PTH1R: variants seen among roughly 807,000 people sequenced by gnomAD.
PTH1R encodes parathyroid hormone/parathyroid hormone-related peptide receptor.
In PTH1R, 32 loss-of-function variants were observed where a neutral mutation model predicts 70.7. The ratio of observed to expected loss-of-function variants is 0.45; its 90% CI spans 0.34 to 0.61. The LOEUF (loss-of-function observed/expected upper bound fraction) is 0.61, where lower values mean the gene tolerates loss of function less well. Among genes scored for constraint, PTH1R ranks in the 20% least tolerant of loss-of-function variants. The pLI, the probability that PTH1R is intolerant of heterozygous loss-of-function variation, is 0.01. For synonymous variants in PTH1R, 329 were observed against 324.8 expected (o/e 1.01, Z -0.14); for missense variants, 626 against 792.5 (o/e 0.79, Z 2.52).
At position 46,903,172 on chromosome 3, in the gene PTH1R, A is replaced by AT. The variant is rs1191239440; in HGVS notation, c.1396-96dup. The AT allele has an allele frequency of 1.1e-4, 167 of 1,559,512 alleles. No individual in the cohort carries two copies. The highest frequency in any genetic ancestry group is 1.4e-4 in the Non-Finnish European group (159 of 1,153,428). Reference sequence around the variant, plus strand: ...CCTTGGAGTTTCCCAGGAGTCCCCTATTCCCATTTTCATTCCGTGCTGGGT... The same window carrying AT: ...CCTTGGAGTTTCCCAGGAGTCCCCTATTTCCCATTTTCATTCCGTGCTGGGT... On this transcript the variant is annotated intron_variant, in intron 15 of 15. Coordinates refer to ENST00000449590, the MANE Select transcript of PTH1R (RefSeq NM_000316.3). The surrounding 1 kb of genome is among the most constrained non-coding windows in gnomAD (Gnocchi z 4.4).
rs375799121 is a variant in PTH1R at position 46,884,640 on chromosome 3, G to C, written c.75+1006G>C. On this transcript the variant is annotated intron_variant, in intron 3 of 15. Coordinates refer to ENST00000449590, the MANE Select transcript of PTH1R (RefSeq NM_000316.3). This position sits in a 1 kb window ranked among gnomAD's most constrained non-coding sequence, Gnocchi z 4.8. ...AGCCTCTTCTCCCTGCTCCCCAGTG[G>C]GGGTATCTGCCTGCTAGAGAGCAGG... 2.0e-5 allele frequency among the ~76,000 whole-genome samples: 3 copies of C among 152,130 alleles called. No homozygotes were observed. Among genetic ancestry groups the C allele is most frequent in the East Asian group, 3.9e-4 (2 of 5,176 alleles).
At position 46,903,400 on chromosome 3, in the gene PTH1R, G is replaced by A; in HGVS notation, c.1526G>A (p.Gly509Asp). ...TCCCACACAAGTGTGACCAATGTCG[G>A]CCCCCGTGTGGGACTCGGCCTGCCC... The part of the protein sequence containing the change: ...MVSHTSVTNV[G>D]PRVGLGLPLS... Residue 509 changes from glycine (G) to aspartate (D), a missense_variant, in exon 16 of 16, where the codon GGC becomes GAC. Physicochemically the swap from Gly to Asp is moderately conservative, Grantham distance 94. Around this residue, in one of 3 missense-constraint regions of PTH1R, gnomAD observed 495 missense variants for 638.7 expected, o/e 0.77. Coordinates refer to ENST00000449590, the MANE Select transcript of PTH1R (RefSeq NM_000316.3). The surrounding 1 kb of genome is among the most constrained non-coding windows in gnomAD (Gnocchi z 4.4). The A allele has an allele frequency of 6.2e-7, 1 of 1,613,414 alleles. No homozygotes were observed. The highest frequency in any genetic ancestry group is 8.5e-7 in the Non-Finnish European group (1 of 1,179,816).
At chr3:46,878,164 A>G (rs913075116) in intron 1 of PTH1R, among the ~76,000 whole-genome samples, 1 of 152,176 alleles carries the variant, frequency 6.6e-6, no homozygotes, top group African/African-American at 2.4e-5. Context: ...CCAGGCAGCC[A>G]TGCTTCTGCT....
At position 46,896,550 on chromosome 3, in the gene PTH1R, C is replaced by T. The variant is rs2031769880; in HGVS notation, c.313+681C>T. On this transcript the variant is annotated intron_variant, in intron 5 of 15. Transcript: ENST00000449590. The surrounding 1 kb of genome is among the most constrained non-coding windows in gnomAD (Gnocchi z 4.1). ...TGGGCCACATCTGGGAGGCTGTGGT[C>T]ACCCTGTGGCTCCCTGGGGACCAGA... is the stretch of plus-strand genomic sequence containing the variant. Among the ~76,000 whole-genome samples the T allele has an allele frequency of 6.6e-6, 1 of 152,166 alleles. No individual in the cohort carries two copies. The highest frequency in any genetic ancestry group is 6.5e-5 in the Admixed American group (1 of 15,280).
chr3:46,898,640 G>A, intron 8 of PTH1R, 22 bp from the exon 9 acceptor site: 3 of 1,610,670 alleles, frequency 1.9e-6, no homozygotes, highest in Middle Eastern at 1.6e-4. Flanking sequence ...CCCCACCCAC[G>A]GTCATGTCGC....
chr3:46,898,949 C>T (rs937139111), intron 9 of PTH1R, 92 bp downstream of exon 9: 4 of 938,580 alleles, frequency 4.3e-6, no homozygotes, highest in Non-Finnish European at 6.0e-6. Flanking sequence ...TCGCCCTGCC[C>T]GCCTCCTGCC....
chr3:46,884,368 G>C lies in PTH1R; in HGVS notation c.75+734G>C, dbSNP rs1366290298. On this transcript the variant is annotated intron_variant, in intron 3 of 15. Transcript: ENST00000449590. This position sits in a 1 kb window ranked among gnomAD's most constrained non-coding sequence, Gnocchi z 4.8. ...AGGAGAGACAGAGACAAAGCCGGGT[G>C]GGGAGGAGAGATCCCCCCAGCTGGA... Among the ~76,000 whole-genome samples the C allele has an allele frequency of 6.6e-6, 1 of 152,152 alleles. No homozygotes were observed. The highest frequency in any genetic ancestry group is 1.5e-5 in the Non-Finnish European group (1 of 68,020).
rs1321788985 is a variant in PTH1R at position 46,895,765 on chromosome 3, C to A, written c.209C>A (p.Thr70Lys). Residue 70 changes from threonine to lysine, a missense_variant, in exon 5 of 16, where the codon ACA becomes AAA. Physicochemically the swap from Thr to Lys is moderately conservative, Grantham distance 78. This residue lies in a region of PTH1R where 123 missense variants were observed against 125.7 expected (regional missense o/e 0.98). Coordinates refer to ENST00000449590, the MANE Select transcript of PTH1R (RefSeq NM_000316.3). ...ATAATGGAATCAGACAAGGGATGGA[C>A]ATCTGCGTCCACATCAGGGAAGCCC... The part of the protein sequence containing the change: ...ASIMESDKGW[T>K]SASTSGKPRK... 3 of 1,614,066 alleles carry A rather than the reference C, an allele frequency of 1.9e-6. No individual in the cohort carries two copies. The Admixed American group carries it at 5.0e-5, about 27-fold the overall frequency.
chr3:46,903,051 C>G lies in PTH1R; in HGVS notation c.1396-219C>G. ...ATTATCTGTGACCCAGATTGGAGGA[C>G]TCAGCCACCTTTGGGGCAATTTGAG... On this transcript the variant is annotated intron_variant, in intron 15 of 15. Transcript: ENST00000449590. The surrounding 1 kb of genome is among the most constrained non-coding windows in gnomAD (Gnocchi z 4.4). 5.8e-6 allele frequency: 6 copies of G among 1,041,824 alleles called. No homozygotes were observed. The highest frequency in any genetic ancestry group is 8.6e-6 in the Non-Finnish European group (6 of 697,182). 64.5% of individuals were successfully genotyped at this position (1,041,824 alleles called of 1,614,324 possible).
At chr3:46,887,613 A>G (rs1412221082) in intron 3 of PTH1R, among the ~76,000 whole-genome samples, 1 of 152,188 alleles carries the variant, frequency 6.6e-6, no homozygotes, top group African/African-American at 2.4e-5. Flanking sequence ...TGTGTTTCCA[A>G]ATGGTACCTC....
intron 5 of PTH1R, among the ~76,000 whole-genome samples, chr3:46,897,342 A>G (rs1396455405): frequency 1.3e-5 from 2 of 152,212 alleles, no homozygotes; most frequent in Admixed American, 6.5e-5. Flanking sequence ...AGTAAATTCT[A>G]TGAGGTGGGT....
rs1193110436 is a variant in PTH1R at position 46,883,142 on chromosome 3, GAAAA to G, written c.-48-364_-48-361del. 2.2e-5 allele frequency among the ~76,000 whole-genome samples: 2 copies of G among 89,704 alleles called. No homozygotes were observed. The highest frequency in any genetic ancestry group is 5.1e-4 in the South Asian group (1 of 1,950). 58.8% of individuals were successfully genotyped at this position (89,704 alleles called of 152,430 possible). A position where few individuals can be genotyped will look rare whatever the true frequency, so the allele number is the denominator to read the frequency against. On this transcript the variant is annotated intron_variant, in intron 2 of 15. Transcript: ENST00000449590. The surrounding 1 kb of genome is among the most constrained non-coding windows in gnomAD (Gnocchi z 6.4). ...AGCCACAGCTCCCATTTCCCCAAAA[GAAAA>G]AAAAAGAAAGAAAGAAAGAAAGAAA...
intron 4 of PTH1R, 101 bp from the exon 5 acceptor site, chr3:46,895,634 A>AC (rs917584495): frequency 4.9e-5 from 77 of 1,579,078 alleles, no homozygotes; most frequent in Admixed American, 1.7e-4. Context: ...GCAGGAGACA[A>AC]CCCCCCCATT....
At position 46,892,906 on chromosome 3, in the gene PTH1R, G is replaced by A; in HGVS notation, c.76-1001G>A. 1.4e-6 allele frequency: 1 copy of A among 696,592 alleles called. No homozygotes were observed. Among genetic ancestry groups the A allele is most frequent in the South Asian group, 6.4e-5 (1 of 15,686 alleles). 43.2% of individuals were successfully genotyped at this position (696,592 alleles called of 1,614,324 possible). ...TGAATTAAGAGGGATGGGGCTGAGG[G>A]CTTCACAGCCCCGCCCTGGGGAGGT... On this transcript the variant is annotated intron_variant, in intron 3 of 15. Coordinates refer to ENST00000449590, the MANE Select transcript of PTH1R (RefSeq NM_000316.3). The surrounding 1 kb of genome is among the most constrained non-coding windows in gnomAD (Gnocchi z 5.2).
chr3:46,894,798 G>A (rs896209271), intron 4 of PTH1R, among the ~76,000 whole-genome samples: 1 of 152,024 alleles, frequency 6.6e-6, no homozygotes, highest in Non-Finnish European at 1.5e-5. Flanking sequence ...GCCTAGCTTG[G>A]GCGGTGGCTG....
chr3:46,898,184 C>G lies in PTH1R; in HGVS notation c.535C>G (p.Arg179Gly), dbSNP rs1279162000. The change falls in exon 7 of 16, where the codon CGT becomes GGT. Residue 179 changes from arginine (R) to glycine (G), a missense_variant. Around this residue, in one of 3 missense-constraint regions of PTH1R, gnomAD observed 495 missense variants for 638.7 expected, o/e 0.77. Coordinates refer to ENST00000449590, the MANE Select transcript of PTH1R (RefSeq NM_000316.3). ...ECVKFLTNET[R>G]EREVFDRLGM... ...TGTCAAATTTCTCACCAATGAGACT[C>G]GTGAACGGGTGCGAGCCTTTCTCCT... is the stretch of plus-strand genomic sequence containing the variant. 5.6e-6 allele frequency: 9 copies of G among 1,614,108 alleles called. No individual in the cohort carries two copies. Among genetic ancestry groups the G allele is most frequent in the Non-Finnish European group, 7.6e-6 (9 of 1,179,962 alleles).
At chr3:46,887,731 C>T (rs769995258) in intron 3 of PTH1R, among the ~76,000 whole-genome samples, 1 of 152,104 alleles carries the variant, frequency 6.6e-6, no homozygotes, top group Non-Finnish European at 1.5e-5. Context: ...CATATTTTGA[C>T]GTAAATGTGT....
chr3:46,887,748 GA>G (rs1317400121), intron 3 of PTH1R, among the ~76,000 whole-genome samples: 8 of 152,162 alleles, frequency 5.3e-5, no homozygotes, highest in Admixed American at 3.9e-4. Flanking sequence ...GTGTGTCTTA[GA>G]GATCTTCATT....
Position 46,893,736 on chromosome 3 carries a change from G to GT in PTH1R, c.76-170dup, listed in dbSNP as rs1183781339. Among the ~76,000 whole-genome samples the GT allele has an allele frequency of 6.6e-6, 1 of 152,216 alleles. No homozygotes were observed. The highest frequency in any genetic ancestry group is 1.5e-5 in the Non-Finnish European group (1 of 68,038). On this transcript the variant is annotated intron_variant, in intron 3 of 15. Transcript: ENST00000449590. The surrounding 1 kb of genome is among the most constrained non-coding windows in gnomAD (Gnocchi z 5.2). ...CCCTCAGAGCCACAGCTTCCCATCT[G>GT]TAAGGTGTGAGCTCCATAGAGCAGA...
Sources: gnomAD v4.1 joint callset for allele counts (sites outside exome capture counted in the v4.1 genomes callset) on GRCh38, gnomAD v4.1.1 for gene constraint, gnomAD v4.1.1 regional missense constraint, Gnocchi (gnomAD v3.1) non-coding constraint, MANE v1.5 for transcripts, NCBI Gene and HGNC (gene_info 2026-07-23, HGNC 2026-07-21) for gene names.